The following NBEA variants were observed in gnomAD, a reference collection of about 807,000 sequenced individuals.
NBEA encodes neurobeachin.
In NBEA, 44 loss-of-function variants were observed where a neutral mutation model predicts 343.4. The ratio of observed to expected loss-of-function variants is 0.13; its 90% confidence interval spans 0.10 to 0.16. The LOEUF is 0.16. Among genes scored for constraint, NBEA ranks in the 10% least tolerant of loss-of-function variants. NBEA has a pLI of 1.00. For synonymous variants in NBEA, 1,175 were observed against 1,238.7 expected (o/e 0.95, Z 1.08); for missense variants, 2,555 against 3,631.3 (o/e 0.70, Z 7.62).
chr13:35,603,909 C>T (rs894058795), intron 47 of NBEA, among the ~76,000 whole-genome samples: 3 of 152,216 alleles, frequency 2.0e-5, no homozygotes, highest in African/African-American at 7.2e-5. Context: ...TTACTAATTC[C>T]TCATGTTTTC....
At position 35,098,378 on chromosome 13, in the gene NBEA, T is replaced by C; in HGVS notation, c.1653T>C (p.Phe551=). ...AACAGATGCTGGGTGGAAAAGGCTT[T>C]TTAGTCATTGGCTACTTACTTGAAA... The part of the protein sequence containing the change: ...MQEQMLGGKG[F]LVIGYLLEKS... The change falls in exon 11 of 59, where the codon TTT becomes TTC. Residue 551 remains phenylalanine, a synonymous_variant. Transcript: ENST00000379939. 1 of 1,588,594 alleles carries C rather than the reference T, an allele frequency of 6.3e-7. No homozygotes were observed. The highest frequency in any genetic ancestry group is 2.3e-5 in the East Asian group (1 of 44,188).
At chr13:35,619,132 AC>A (rs1241636075) in intron 48 of NBEA, among the ~76,000 whole-genome samples, 1 of 150,376 alleles carries the variant, frequency 6.6e-6, no homozygotes, top group Non-Finnish European at 1.5e-5. Flanking sequence ...ACTTTTAAAA[AC>A]CCCAGCTTAA....
chr13:35,181,612 CTGTT>C (rs1175021014), intron 28 of NBEA, among the ~76,000 whole-genome samples: 1 of 151,406 alleles, frequency 6.6e-6, no homozygotes, highest in Non-Finnish European at 1.5e-5. Flanking sequence ...TGTGAGTTGT[CTGTT>C]TATTCTGCTA....
At chr13:35,589,680 A>T (rs1167861819) in intron 46 of NBEA, among the ~76,000 whole-genome samples, 4 of 152,136 alleles carry the variant, frequency 2.6e-5, no homozygotes, top group African/African-American at 7.2e-5. Context: ...GGCAACAGGG[A>T]AACGGCATTA....
chr13:35,615,690 T>C (rs1344764540), intron 48 of NBEA, among the ~76,000 whole-genome samples: 1 of 152,000 alleles, frequency 6.6e-6, no homozygotes, highest in Admixed American at 6.6e-5. Flanking sequence ...CTTATCAAGG[T>C]GTCAGTGTTC....
intron 20 of NBEA, among the ~76,000 whole-genome samples, chr13:35,156,612 G>T (rs929081613): frequency 2.0e-5 from 3 of 151,994 alleles, no homozygotes; most frequent in Admixed American, 6.6e-5. Flanking sequence ...TTGAACATGG[G>T]GTAAAGTCTG....
intron 17 of NBEA, among the ~76,000 whole-genome samples, chr13:35,138,993 TTTTC>T (rs1274759337): frequency 1.3e-5 from 2 of 151,938 alleles, no homozygotes; most frequent in Admixed American, 6.6e-5. Context: ...ATGGGGTTTC[TTTTC>T]TTTCTTTATT....
At chr13:35,061,606 C>T (rs555048128) in intron 8 of NBEA, among the ~76,000 whole-genome samples, 102 of 151,702 alleles carry the variant, frequency 6.7e-4, no homozygotes, top group African/African-American at 2.3e-3. Context: ...GAAAATTTAG[C>T]TTTGAGTTCT....
intron 38 of NBEA, among the ~76,000 whole-genome samples, chr13:35,395,882 A>G (rs1490715860): frequency 6.6e-6 from 1 of 152,156 alleles, no homozygotes; most frequent in Non-Finnish European, 1.5e-5. Flanking sequence ...TCATTATTAA[A>G]TATCCCTCCT....
chr13:35,617,008 C>A (rs922984481), intron 48 of NBEA, among the ~76,000 whole-genome samples: 1 of 152,176 alleles, frequency 6.6e-6, no homozygotes, highest in African/African-American at 2.4e-5. Flanking sequence ...TTCAGTGAAG[C>A]CACTGTTCCT....
intron 40 of NBEA, among the ~76,000 whole-genome samples, chr13:35,453,792 G>A (rs999460199): frequency 2.0e-5 from 3 of 152,048 alleles, no homozygotes; most frequent in Admixed American, 1.3e-4. Context: ...ATTCAACAAA[G>A]ACTAATAACC....
chr13:35,468,057 T>C (rs904679781), intron 40 of NBEA, among the ~76,000 whole-genome samples: 2 of 151,802 alleles, frequency 1.3e-5, no homozygotes, highest in Non-Finnish European at 2.9e-5. Flanking sequence ...ATAGCCATCG[T>C]TGCCTTTTAA....
intron 18 of NBEA, 23 bp downstream of exon 18, chr13:35,142,400 G>T: frequency 7.0e-6 from 11 of 1,571,174 alleles, no homozygotes; most frequent in Non-Finnish European, 9.6e-6. Flanking sequence ...AATGTGTGAT[G>T]AAAGTTTTAA....
At chr13:35,570,136 C>T (rs974185482) in intron 45 of NBEA, among the ~76,000 whole-genome samples, 5 of 152,148 alleles carry the variant, frequency 3.3e-5, no homozygotes, top group African/African-American at 1.2e-4. Context: ...CAGGTTCAAG[C>T]GATTCTCCTG....
At chr13:35,279,299 C>A (rs1006145144) in intron 34 of NBEA, among the ~76,000 whole-genome samples, 1 of 152,122 alleles carries the variant, frequency 6.6e-6, no homozygotes, top group African/African-American at 2.4e-5. Flanking sequence ...AATCATTAAT[C>A]TTTACTAGCA....
At chr13:35,482,898 A>G (rs1183160635) in intron 41 of NBEA, among the ~76,000 whole-genome samples, 1 of 151,746 alleles carries the variant, frequency 6.6e-6, no homozygotes, top group Non-Finnish European at 1.5e-5. Context: ...CCCTGATTTC[A>G]TTATTTTTAT....
intron 30 of NBEA, among the ~76,000 whole-genome samples, chr13:35,192,100 T>C (rs554793267): frequency 2.0e-5 from 3 of 152,072 alleles, no homozygotes; most frequent in Non-Finnish European, 4.4e-5. Context: ...ACATTGCCTG[T>C]TGCTACAGAA....
At chr13:35,035,804 C>G (rs2062418411) in intron 1 of NBEA, among the ~76,000 whole-genome samples, 1 of 151,828 alleles carries the variant, frequency 6.6e-6, no homozygotes. Context: ...CTTGAAATCT[C>G]TTTTGTCTGA....
At chr13:35,284,315 A>G (rs552360417) in intron 34 of NBEA, among the ~76,000 whole-genome samples, 1 of 152,292 alleles carries the variant, frequency 6.6e-6, no homozygotes, top group Admixed American at 6.5e-5. Flanking sequence ...TGAACTAAAG[A>G]AATCAATGAA....
Sources: gnomAD v4.1 joint callset for allele counts (sites outside exome capture counted in the v4.1 genomes callset) on GRCh38, gnomAD v4.1.1 for gene constraint, MANE v1.5 for transcripts, NCBI Gene and HGNC (gene_info 2026-07-23, HGNC 2026-07-21) for gene names.